Variants in NAV3 observed in about 807,000 individuals in gnomAD.
NAV3 encodes pore membrane and/or filament interacting like protein 1.
NAV3 carries 87 observed loss-of-function variants against 244.7 expected under a neutral mutation model. That is an observed-to-expected ratio of 0.36 (90% CI 0.30 to 0.42). The LOEUF is 0.42. Among genes scored for constraint, NAV3 ranks in the 20% least tolerant of loss-of-function variants. NAV3 has a pLI of 1.00. For missense variants in NAV3, 2,663 were observed against 2,893.3 expected (o/e 0.92, Z 1.83); for synonymous variants, 1,126 against 1,042.2 (o/e 1.08, Z -1.55).
At chr12:77,651,125 T>C (rs1687760) in intron 2 of NAV3, among the ~76,000 whole-genome samples, 60,555 of 151,860 alleles carry the variant, frequency 0.4, 13,065 homozygotes, top group African/African-American at 0.56. Flanking sequence ...ACTATACCTT[T>C]CTTTTGACTC....
At chr12:78,008,968 G>A (rs1874742034) in intron 8 of NAV3, among the ~76,000 whole-genome samples, 1 of 152,114 alleles carries the variant, frequency 6.6e-6, no homozygotes, top group Admixed American at 6.5e-5. Context: ...CACACTTTTG[G>A]ATTACAAATA....
At chr12:78,095,045 TTATATATA>T (rs368659738) in intron 12 of NAV3, among the ~76,000 whole-genome samples, 10 of 123,868 alleles carry the variant, frequency 8.1e-5, no homozygotes, top group Admixed American at 2.6e-4. Flanking sequence ...CCATATCAAA[TTATATATA>T]TATATATATA....
intron 2 of NAV3, among the ~76,000 whole-genome samples, chr12:77,592,016 A>G (rs1195304993): frequency 6.6e-6 from 1 of 152,182 alleles, no homozygotes; most frequent in Non-Finnish European, 1.5e-5. Context: ...GTTAGAAACT[A>G]GAAATTCTGG....
intron 2 of NAV3, among the ~76,000 whole-genome samples, chr12:77,687,111 A>G (rs1305319478): frequency 1.3e-5 from 2 of 152,058 alleles, no homozygotes; most frequent in Non-Finnish European, 2.9e-5. Flanking sequence ...GATTTTTCTT[A>G]CTAACATTTT....
chr12:78,195,102 T>C (rs1453085621), intron 34 of NAV3, among the ~76,000 whole-genome samples: 1 of 152,070 alleles, frequency 6.6e-6, no homozygotes, highest in Non-Finnish European at 1.5e-5. Context: ...ACATTTCTGT[T>C]TCCTTGGATA....
chr12:78,084,854 A>T (rs1267017457), intron 12 of NAV3, among the ~76,000 whole-genome samples: 1 of 151,876 alleles, frequency 6.6e-6, no homozygotes, highest in Admixed American at 6.6e-5. Flanking sequence ...GCCTATCAGC[A>T]CTCTTTGATA....
chr12:77,674,363 C>T (rs1874116035), intron 2 of NAV3, among the ~76,000 whole-genome samples: 1 of 151,952 alleles, frequency 6.6e-6, no homozygotes, highest in Non-Finnish European at 1.5e-5. Flanking sequence ...TCAACTAACA[C>T]CAAATGGAGA....
chr12:77,668,511 G>A (rs1873820744), intron 2 of NAV3, among the ~76,000 whole-genome samples: 1 of 152,050 alleles, frequency 6.6e-6, no homozygotes, highest in Admixed American at 6.5e-5. Context: ...CTCAGCAATA[G>A]AATTGAACAA....
intron 23 of NAV3, among the ~76,000 whole-genome samples, chr12:78,162,933 TTAC>T (rs1332563591): frequency 7.8e-6 from 1 of 128,136 alleles, no homozygotes; most frequent in African/African-American, 2.7e-5. Context: ...TATATATAAA[TTAC>T]ATATTTATAA....
chr12:78,054,789 G>A (rs905534082), intron 11 of NAV3, among the ~76,000 whole-genome samples: 5 of 151,988 alleles, frequency 3.3e-5, no homozygotes, highest in Admixed American at 6.6e-5. Context: ...AGAGAAAATC[G>A]GCAGAGAGAG....
intron 2 of NAV3, among the ~76,000 whole-genome samples, chr12:77,822,856 G>A (rs1872803907): frequency 6.6e-6 from 1 of 152,108 alleles, no homozygotes; most frequent in African/African-American, 2.4e-5. Flanking sequence ...AAGGTCGAAT[G>A]TGAAAGTGAT....
chr12:77,654,718 G>C (rs942792209), intron 2 of NAV3, among the ~76,000 whole-genome samples: 2 of 152,154 alleles, frequency 1.3e-5, no homozygotes, highest in Middle Eastern at 3.2e-3. Flanking sequence ...AGTAGGGGCA[G>C]ACTGACACCT....
intron 11 of NAV3, among the ~76,000 whole-genome samples, chr12:78,053,056 T>C (rs999024575): frequency 6.6e-6 from 1 of 151,626 alleles, no homozygotes; most frequent in African/African-American, 2.4e-5. Flanking sequence ...CCATCTCTAC[T>C]AAAAAAGTTA....
intron 2 of NAV3, among the ~76,000 whole-genome samples, chr12:77,698,359 C>T (rs1330398996): frequency 6.6e-6 from 1 of 152,016 alleles, no homozygotes; most frequent in Non-Finnish European, 1.5e-5. Flanking sequence ...AACTATTATT[C>T]CAATTATATC....
intron 5 of NAV3, among the ~76,000 whole-genome samples, chr12:77,970,585 TG>T (rs1423412719): frequency 5.9e-5 from 9 of 152,240 alleles, no homozygotes; most frequent in Middle Eastern, 3.4e-3. Flanking sequence ...TATGAAGTGA[TG>T]GGGGATATTT....
chr12:77,985,946 G>A (rs571365928), intron 5 of NAV3, among the ~76,000 whole-genome samples: 73 of 152,218 alleles, frequency 4.8e-4, no homozygotes, highest in African/African-American at 1.7e-3. Context: ...TGAGAAATTA[G>A]TATTTCTTCC....
intron 7 of NAV3, among the ~76,000 whole-genome samples, chr12:78,000,978 A>T (rs79623449): frequency 0.013 from 2 of 154 alleles, no homozygotes; most frequent in East Asian, 0.17. Flanking sequence ...ACTGGGTCTA[A>T]AAAAAAAAAA....
intron 2 of NAV3, among the ~76,000 whole-genome samples, chr12:77,768,794 T>C (rs1208234649): frequency 1.3e-5 from 2 of 152,246 alleles, no homozygotes; most frequent in African/African-American, 4.8e-5. Flanking sequence ...TCCTGCCTGT[T>C]CCTGGTTCCT....
At chr12:77,623,399 A>G (rs1280511759) in intron 2 of NAV3, among the ~76,000 whole-genome samples, 1 of 152,142 alleles carries the variant, frequency 6.6e-6, no homozygotes, top group Non-Finnish European at 1.5e-5. Flanking sequence ...AATTTGTAGA[A>G]TATCTTTGGT....
Sources: allele counts gnomAD v4.1 joint callset (sites outside exome capture counted in the v4.1 genomes callset), GRCh38; gene constraint gnomAD v4.1.1; transcripts MANE v1.5; gene names NCBI Gene and HGNC (gene_info 2026-07-23, HGNC 2026-07-21).